EPHA3: variants seen among roughly 807,000 people sequenced by gnomAD.
EPHA3 encodes EPH receptor A3, also known as ephrin type-A receptor 3.
A neutral mutation model predicts 107.1 loss-of-function variants in EPHA3; 42 were observed. The ratio of observed to expected loss-of-function variants is 0.39; its 90% CI spans 0.31 to 0.51. The LOEUF (loss-of-function observed/expected upper bound fraction) is 0.51. Ranked by LOEUF, EPHA3 falls within the 20% of genes least tolerant of loss-of-function variation. EPHA3 has a pLI of 0.78. For synonymous variants in EPHA3, 461 were observed against 424.8 expected, an observed-to-expected ratio of 1.09 and a Z score of -1.05; for missense variants, 1,183 against 1,211.2, an observed-to-expected ratio of 0.98 and a Z score of 0.35.
intron 3 of EPHA3, among the ~76,000 whole-genome samples, chr3:89,334,071 T>C (rs1707346806): frequency 6.6e-6 from 1 of 152,186 alleles, no homozygotes; most frequent in African/African-American, 2.4e-5. Context: ...TCCCATAAAA[T>C]TCACAAACTT....
At chr3:89,458,885 G>T (rs990698850) in intron 15 of EPHA3, among the ~76,000 whole-genome samples, 1 of 152,136 alleles carries the variant, frequency 6.6e-6, no homozygotes, top group African/African-American at 2.4e-5. Flanking sequence ...GCAGGGACGT[G>T]GATGAAGCTG....
chr3:89,330,067 A>C (rs1707252824), intron 3 of EPHA3, among the ~76,000 whole-genome samples: 1 of 152,012 alleles, frequency 6.6e-6, no homozygotes, highest in African/African-American at 2.4e-5. Flanking sequence ...ATATTTAAAA[A>C]ACTCATTCAG....
At chr3:89,363,740 A>G (rs1708139518) in intron 5 of EPHA3, among the ~76,000 whole-genome samples, 1 of 150,432 alleles carries the variant, frequency 6.6e-6, no homozygotes, top group South Asian at 2.1e-4. Flanking sequence ...TAATTTCTAG[A>G]CTATATTTTT....
intron 5 of EPHA3, among the ~76,000 whole-genome samples, chr3:89,391,745 C>T (rs1451259504): frequency 6.6e-6 from 1 of 151,926 alleles, no homozygotes; most frequent in African/African-American, 2.4e-5. Flanking sequence ...TTTGTATTCT[C>T]TTAAGAAATA....
chr3:89,154,734 T>G (rs1173566761), intron 2 of EPHA3, among the ~76,000 whole-genome samples: 1 of 151,450 alleles, frequency 6.6e-6, no homozygotes, highest in Non-Finnish European at 1.5e-5. Flanking sequence ...TTCAAATAGA[T>G]CATGATTTTA....
intron 2 of EPHA3, among the ~76,000 whole-genome samples, chr3:89,195,021 T>G (rs918443587): frequency 1.3e-5 from 2 of 152,120 alleles, no homozygotes; most frequent in African/African-American, 4.8e-5. Context: ...TTCCGACATT[T>G]CATTTTTCTT....
At chr3:89,189,941 C>T (rs1705667272) in intron 2 of EPHA3, among the ~76,000 whole-genome samples, 1 of 152,228 alleles carries the variant, frequency 6.6e-6, no homozygotes, top group South Asian at 2.1e-4. Context: ...ATTTTAAACC[C>T]AGTTCAGCTC....
At chr3:89,382,185 A>C (rs1454315142) in intron 5 of EPHA3, among the ~76,000 whole-genome samples, 1 of 152,096 alleles carries the variant, frequency 6.6e-6, no homozygotes, top group African/African-American at 2.4e-5. Context: ...TGGTGCGGCC[A>C]ACAGATCAGG....
chr3:89,246,033 T>A (rs1446723558), intron 3 of EPHA3, among the ~76,000 whole-genome samples: 2 of 152,114 alleles, frequency 1.3e-5, no homozygotes, highest in East Asian at 1.9e-4. Flanking sequence ...CCTCTTTAAT[T>A]TTTTTTTCAT....
intron 2 of EPHA3, among the ~76,000 whole-genome samples, chr3:89,178,628 AATTAT>A (rs1017613692): frequency 7.2e-5 from 11 of 151,956 alleles, no homozygotes; most frequent in South Asian, 2.1e-4. Context: ...ATGCACTGAA[AATTAT>A]ATTATAAAAC....
intron 3 of EPHA3, among the ~76,000 whole-genome samples, chr3:89,306,568 C>T (rs1410177931): frequency 6.6e-6 from 1 of 152,064 alleles, no homozygotes; most frequent in Non-Finnish European, 1.5e-5. Context: ...GAATGTGGCC[C>T]AACCTTCTAG....
intron 3 of EPHA3, among the ~76,000 whole-genome samples, chr3:89,285,264 T>C (rs183522364): frequency 2.0e-5 from 3 of 152,298 alleles, no homozygotes; most frequent in Admixed American, 1.3e-4. Context: ...TCTCAATATT[T>C]TGGGCTCAGA....
At chr3:89,215,692 G>A (rs1424432950) in intron 3 of EPHA3, among the ~76,000 whole-genome samples, 4 of 151,820 alleles carry the variant, frequency 2.6e-5, no homozygotes, top group Non-Finnish European at 4.4e-5. Context: ...TTCCATAAAT[G>A]TTAGTAACAT....
intron 1 of EPHA3, among the ~76,000 whole-genome samples, chr3:89,117,009 G>A (rs1188352115): frequency 6.6e-6 from 1 of 151,988 alleles, no homozygotes; most frequent in Non-Finnish European, 1.5e-5. Flanking sequence ...TCCAAACTGA[G>A]CTGTCTTCCC....
chr3:89,207,287 C>CTGTGTCTT (rs1483667892), intron 2 of EPHA3, among the ~76,000 whole-genome samples: 2 of 151,950 alleles, frequency 1.3e-5, no homozygotes, highest in African/African-American at 4.8e-5. Flanking sequence ...ATTAAAATTT[C>CTGTGTCTT]TGTGTCTTTA....
At chr3:89,166,294 C>A (rs563167368) in intron 2 of EPHA3, among the ~76,000 whole-genome samples, 1 of 152,234 alleles carries the variant, frequency 6.6e-6, no homozygotes, top group Non-Finnish European at 1.5e-5. Context: ...AAATTGTACA[C>A]TAAATTATGA....
rs372915459 is a variant in EPHA3, at chr3:89,209,819, A to C, written c.154-41A>C. 2.5e-5 allele frequency: 38 copies of C among 1,515,270 alleles called. No individual in the cohort carries two copies. The African/African-American group carries it at 5.0e-4, about 20-fold the overall frequency. The allele number at this position is 1,515,270 out of a possible 1,614,324, so 93.9% of individuals were successfully genotyped here. On this transcript the variant is annotated intron_variant, in intron 2 of 16. Coordinates refer to ENST00000336596, the MANE Select transcript of EPHA3 (RefSeq NM_005233.6). ...CCCTTATGTTGTATTCGTTATTATC[A>C]TTAATTCTGCCTCACTCTCTGTTTC...
intron 3 of EPHA3, among the ~76,000 whole-genome samples, chr3:89,235,098 T>A (rs1266056311): frequency 6.7e-6 from 1 of 149,412 alleles, no homozygotes; most frequent in Non-Finnish European, 1.5e-5. Context: ...ATATTTGTAG[T>A]TTTAGTAGAG....
intron 3 of EPHA3, among the ~76,000 whole-genome samples, chr3:89,244,335 C>T (rs1040798440): frequency 5.3e-5 from 8 of 151,890 alleles, no homozygotes; most frequent in African/African-American, 1.2e-4. Flanking sequence ...TTTTATCACA[C>T]TGAAATATAT....
Sources: gnomAD v4.1 joint callset for allele counts (sites outside exome capture counted in the v4.1 genomes callset) on GRCh38, gnomAD v4.1.1 for gene constraint, MANE v1.5 for transcripts, NCBI Gene and HGNC (gene_info 2026-07-23, HGNC 2026-07-21) for gene names.